GRAMD1B: variants seen among roughly 807,000 people sequenced by gnomAD.
GRAMD1B encodes the protein GRAM domain containing 1B.
A neutral mutation model predicts 99.7 loss-of-function variants in GRAMD1B; 37 were observed. The observed-to-expected ratio is 0.37, with a 90% CI of 0.29 to 0.49. The LOEUF (loss-of-function observed/expected upper bound fraction) is 0.49. GRAMD1B is among the 20% of genes least tolerant of loss of function. The pLI is 0.98. For synonymous variants in GRAMD1B, 427 were observed against 387.6 expected (o/e 1.10, Z -1.19); for missense variants, 888 against 1,009.2 (o/e 0.88, Z 1.63).
intron 1 of GRAMD1B, among the ~76,000 whole-genome samples, chr11:123,474,658 C>T (rs1951175675): frequency 6.6e-6 from 1 of 152,192 alleles, no homozygotes; most frequent in Non-Finnish European, 1.5e-5. Context: ...GGGGCAAACC[C>T]AGGTTTGTCT....
intron 1 of GRAMD1B, among the ~76,000 whole-genome samples, chr11:123,423,033 A>G (rs777777236): frequency 6.6e-6 from 1 of 152,178 alleles, no homozygotes; most frequent in Non-Finnish European, 1.5e-5. Context: ...ATCATTTTTC[A>G]TAAACTTTTC....
At chr11:123,491,004 A>C (rs911316426) in intron 2 of GRAMD1B, among the ~76,000 whole-genome samples, 3 of 152,140 alleles carry the variant, frequency 2.0e-5, no homozygotes, top group Non-Finnish European at 4.4e-5. Context: ...TAATTCTGGG[A>C]CTTTTTTTGT....
intron 1 of GRAMD1B, among the ~76,000 whole-genome samples, chr11:123,457,379 G>A (rs1004142709): frequency 3.3e-5 from 5 of 152,152 alleles, no homozygotes; most frequent in Admixed American, 1.3e-4. Context: ...TCCAGCCAGC[G>A]TCAGCCTACC....
chr11:123,522,753 C>T (rs1354583834), intron 2 of GRAMD1B, among the ~76,000 whole-genome samples: 1 of 152,222 alleles, frequency 6.6e-6, no homozygotes, highest in Admixed American at 6.5e-5. Flanking sequence ...CTCTCCTGTT[C>T]TTCCTTCCCT....
intron 4 of GRAMD1B, 42 bp downstream of exon 4, chr11:123,584,374 T>TTGGGGGGAAGGGGTGTGGGGTGCGATTGG: frequency 7.1e-6 from 1 of 141,016 alleles, no homozygotes; most frequent in Non-Finnish European, 1.2e-5. Context: ...ACCTGAGAAA[T>TTGGGGGGAAGGGGTGTGGGGTGCGATTGG]GGGAGGGGGA....
At chr11:123,456,240 A>G (rs1272897732) in intron 1 of GRAMD1B, among the ~76,000 whole-genome samples, 1 of 152,172 alleles carries the variant, frequency 6.6e-6, no homozygotes. Context: ...AGAATGAGCA[A>G]CTGTTAACAG....
chr11:123,554,785 C>T (rs1013020776), intron 2 of GRAMD1B, among the ~76,000 whole-genome samples: 1 of 152,124 alleles, frequency 6.6e-6, no homozygotes, highest in Admixed American at 6.6e-5. Context: ...ATAACAGATG[C>T]CTCTTGTTAT....
intron 2 of GRAMD1B, among the ~76,000 whole-genome samples, chr11:123,505,200 A>AG (rs1190075245): frequency 1.1e-4 from 1 of 9,002 alleles, no homozygotes; most frequent in African/African-American, 1.5e-4. Context: ...AAAATATATT[A>AG]ATTTTTTTTT....
At chr11:123,515,954 G>A (rs1323463580) in intron 2 of GRAMD1B, among the ~76,000 whole-genome samples, 1 of 152,126 alleles carries the variant, frequency 6.6e-6, no homozygotes. Context: ...TTTTAGTAGA[G>A]ACGAGGGTTT....
chr11:123,595,844 T>A, intron 6 of GRAMD1B, 98 bp from the exon 7 acceptor site: 1 of 630,924 alleles, frequency 1.6e-6, no homozygotes. Flanking sequence ...TGTGATCTGA[T>A]TGCCTCTGTC....
chr11:123,415,107 T>G (rs1447359412), intron 1 of GRAMD1B, among the ~76,000 whole-genome samples: 23 of 130,068 alleles, frequency 1.8e-4, no homozygotes, highest in African/African-American at 7.0e-4. Flanking sequence ...TTTTTTTTTT[T>G]TTTTTTTTTT....
intron 1 of GRAMD1B, among the ~76,000 whole-genome samples, chr11:123,445,356 T>A (rs889245030): frequency 6.6e-6 from 1 of 152,150 alleles, no homozygotes; most frequent in Non-Finnish European, 1.5e-5. Context: ...TTTGACCTTT[T>A]TGTTGATTTT....
intron 1 of GRAMD1B, among the ~76,000 whole-genome samples, chr11:123,359,757 A>C (rs1192295607): frequency 1.3e-5 from 2 of 152,120 alleles, no homozygotes; most frequent in Admixed American, 6.5e-5. Context: ...GGAAATAATA[A>C]TTTTTAAAAA....
intron 2 of GRAMD1B, among the ~76,000 whole-genome samples, chr11:123,542,615 A>C (rs952141472): frequency 6.6e-6 from 1 of 152,194 alleles, no homozygotes; most frequent in East Asian, 1.9e-4. Context: ...AGGTCATTCT[A>C]TGCGGAGAGA....
chr11:123,393,136 C>A (rs1947337865), intron 1 of GRAMD1B, among the ~76,000 whole-genome samples: 1 of 152,082 alleles, frequency 6.6e-6, no homozygotes. Context: ...CATTGAAGAT[C>A]ATTAGTCAGG....
intron 4 of GRAMD1B, among the ~76,000 whole-genome samples, chr11:123,586,637 G>A (rs1197612421): frequency 1.3e-5 from 2 of 152,148 alleles, no homozygotes; most frequent in Non-Finnish European, 2.9e-5. Context: ...GCAGCTGAAC[G>A]AGCTCCTCTC....
chr11:123,563,949 T>C (rs891703464), intron 2 of GRAMD1B, among the ~76,000 whole-genome samples: 2 of 152,192 alleles, frequency 1.3e-5, no homozygotes, highest in African/African-American at 2.4e-5. Flanking sequence ...AATTTCTGAC[T>C]TTAACATGTG....
At chr11:123,546,729 G>A (rs1945074925) in intron 2 of GRAMD1B, among the ~76,000 whole-genome samples, 1 of 152,170 alleles carries the variant, frequency 6.6e-6, no homozygotes, top group Admixed American at 6.5e-5. Flanking sequence ...TTATTTAGAA[G>A]AAAACCATCC....
chr11:123,391,479 G>C (rs139245457), intron 1 of GRAMD1B, among the ~76,000 whole-genome samples: 1 of 152,136 alleles, frequency 6.6e-6, no homozygotes, highest in Non-Finnish European at 1.5e-5. Flanking sequence ...GTTTGAGAGA[G>C]AGAGTCTCGT....
Sources: gnomAD v4.1 joint callset for allele counts (sites outside exome capture counted in the v4.1 genomes callset) on GRCh38, gnomAD v4.1.1 for gene constraint, MANE v1.5 for transcripts, NCBI Gene and HGNC (gene_info 2026-07-23, HGNC 2026-07-21) for gene names.